The following FOSL2 variants were observed in gnomAD, a reference collection of about 807,000 sequenced individuals.
FOSL2 encodes fos-related antigen 2.
FOSL2 carries 3 observed loss-of-function variants against 27.7 expected under a neutral mutation model. The ratio of observed to expected loss-of-function variants is 0.11; its 90% CI spans 0.05 to 0.28. The LOEUF (loss-of-function observed/expected upper bound fraction) is 0.28, where lower values mean the gene tolerates loss of function less well. Among genes scored for constraint, FOSL2 ranks in the 10% least tolerant of loss-of-function variants. The pLI is 1.00. For synonymous variants in FOSL2, 179 were observed against 190.1 expected, an observed-to-expected ratio of 0.94 and a Z score of 0.48; for missense variants, 333 against 445.1, an observed-to-expected ratio of 0.75 and a Z score of 2.27.
Position 28,415,094 on chromosome 2 carries a change from T to A in FOSL2, c.*2646T>A, listed in dbSNP as rs1029830886. The A allele has an allele frequency of 6.6e-6, 1 of 152,270 alleles. No individual in the cohort carries two copies. Among genetic ancestry groups the A allele is most frequent in the Non-Finnish European group, 1.5e-5 (1 of 68,118 alleles). 9.4% of individuals were successfully genotyped at this position (152,270 alleles called of 1,614,324 possible). The stretch of plus-strand genomic sequence containing the variant: ...GGCTCCAGCTATGGGAACAGCTGCA[T>A]TGGGGCTGCCTTTCTGTTTGGCTTA... On this transcript the variant is annotated 3_prime_UTR_variant, in exon 4 of 4. Transcript: ENST00000264716.
In FOSL2 at chr2:28,413,189, A is replaced by G. The variant is rs891525426; in HGVS notation, c.*741A>G. The G allele has an allele frequency of 6.9e-5, 19 of 277,054 alleles. No individual in the cohort carries two copies. The highest frequency in any genetic ancestry group is 1.9e-3 in the Middle Eastern group (2 of 1,034). 17.2% of individuals were successfully genotyped at this position (277,054 alleles called of 1,614,324 possible). ...CGGCTTCTGGAGGAACGGCTTGGCC[A>G]GAAGACAGGGTGTGAGTGAGACAGT... On this transcript the variant is annotated 3_prime_UTR_variant, in exon 4 of 4. Transcript: ENST00000264716.
chr2:28,403,027 T>TG (rs1664006842), intron 1 of FOSL2, among the ~76,000 whole-genome samples: 1 of 152,138 alleles, frequency 6.6e-6, no homozygotes, highest in African/African-American at 2.4e-5. Context: ...AGTTTTTAAG[T>TG]GGGGAAGAAA....
rs1035991183 is a variant in FOSL2 at position 28,392,923 on chromosome 2, C to T, written c.-798C>T. 1.4e-5 allele frequency: 10 copies of T among 711,438 alleles called. No homozygotes were observed. Among genetic ancestry groups the T allele is most frequent in the South Asian group, 8.9e-5 (6 of 67,252 alleles). The allele number at this position is 711,438 out of a possible 1,614,324, so 44.1% of individuals were successfully genotyped here. A position where few individuals can be genotyped will look rare whatever the true frequency, so the allele number is the denominator to read the frequency against. Reference sequence around the variant, plus strand: ...AACCAGCGAGCGAGCGAACGAGCGGCGCTCGGCGGGGACAGAAAGAGGGAG... The same window carrying T: ...AACCAGCGAGCGAGCGAACGAGCGGTGCTCGGCGGGGACAGAAAGAGGGAG... On this transcript the variant is annotated 5_prime_UTR_variant, in exon 1 of 4. Coordinates refer to ENST00000264716, the MANE Select transcript of FOSL2 (RefSeq NM_005253.4).
At position 28,393,411 on chromosome 2, in the gene FOSL2, G is replaced by C. The variant is rs1325319401; in HGVS notation, c.-310G>C. 3 of 340,730 alleles carry C rather than the reference G, an allele frequency of 8.8e-6. No individual in the cohort carries two copies. The highest frequency in any genetic ancestry group is 2.2e-5 in the African/African-American group (1 of 45,546). 21.1% of individuals were successfully genotyped at this position (340,730 alleles called of 1,614,324 possible). On this transcript the variant is annotated 5_prime_UTR_variant, in exon 1 of 4. Transcript: ENST00000264716. The surrounding 1 kb of genome is among the most constrained non-coding windows in gnomAD (Gnocchi z 4.6). Reference sequence around the variant, plus strand: ...GAGCTCCGGCTGCGCGCGGGGGCGGGAGGGCGCGCGCAGGGGAGGGACCGA... The same window carrying C: ...GAGCTCCGGCTGCGCGCGGGGGCGGCAGGGCGCGCGCAGGGGAGGGACCGA...
intron 3 of FOSL2, among the ~76,000 whole-genome samples, chr2:28,409,268 T>C (rs1558569393): frequency 1.3e-5 from 2 of 152,104 alleles, no homozygotes; most frequent in African/African-American, 4.8e-5. Flanking sequence ...GCCACTCCCA[T>C]GCCTGCCGCC....
chr2:28,416,276 A>G lies in FOSL2; in HGVS notation c.*3828A>G, dbSNP rs987066463. ...TCAACCAAGGGGTTTAATTTATCCA[A>G]TGCTTGACGACATGTTCAGGAGGGG... On this transcript the variant is annotated 3_prime_UTR_variant, in exon 4 of 4. Coordinates refer to ENST00000264716, the MANE Select transcript of FOSL2 (RefSeq NM_005253.4). The G allele has an allele frequency of 1.3e-5, 2 of 152,112 alleles. No homozygotes were observed. Among genetic ancestry groups the G allele is most frequent in the South Asian group, 2.1e-4 (1 of 4,832 alleles). 9.4% of individuals were successfully genotyped at this position (152,112 alleles called of 1,614,324 possible). A position where few individuals can be genotyped will look rare whatever the true frequency, so the allele number is the denominator to read the frequency against.
chr2:28,404,503 C>T lies in FOSL2; in HGVS notation c.354+145C>T, dbSNP rs958035933. The T allele has an allele frequency of 2.9e-6, 3 of 1,038,840 alleles. 1 individual carries two copies. The South Asian group carries it at 4.8e-5, about 17-fold the overall frequency. 64.4% of individuals were successfully genotyped at this position (1,038,840 alleles called of 1,614,324 possible). ...TAGGGGTCGAAGAGCACGTCATCCCCCTTACTGGAGGCCGAGCTGGAGAGC... is the reference window on the plus strand; with the variant it reads ...TAGGGGTCGAAGAGCACGTCATCCCTCTTACTGGAGGCCGAGCTGGAGAGC... On this transcript the variant is annotated intron_variant, in intron 2 of 3. Transcript: ENST00000264716. The surrounding 1 kb of genome is among the most constrained non-coding windows in gnomAD (Gnocchi z 4.7).
intron 1 of FOSL2, among the ~76,000 whole-genome samples, chr2:28,395,324 C>T (rs1001368540): frequency 2.0e-5 from 3 of 152,248 alleles, no homozygotes; most frequent in African/African-American, 7.2e-5. Flanking sequence ...CTGTCTCCTC[C>T]TCCCTGAAAT....
chr2:28,405,301 TG>T (rs1465770970), intron 2 of FOSL2, among the ~76,000 whole-genome samples: 2 of 152,112 alleles, frequency 1.3e-5, no homozygotes, highest in Non-Finnish European at 1.5e-5. Context: ...GGCCAGTGAG[TG>T]GGGAAGTCTG....
At chr2:28,405,192 T>A (rs2148089296) in intron 2 of FOSL2, among the ~76,000 whole-genome samples, 1 of 152,236 alleles carries the variant, frequency 6.6e-6, no homozygotes, top group South Asian at 2.1e-4. Flanking sequence ...GAATCATGCA[T>A]AATTCCAGAA....
In FOSL2 at chr2:28,414,984, GT is replaced by G. The variant is rs1265573613; in HGVS notation, c.*2540del. On this transcript the variant is annotated 3_prime_UTR_variant, in exon 4 of 4. Transcript: ENST00000264716. Reference sequence around the variant, plus strand: ...CACCTAAGTCGTGAGCATATCCTGAGTTTTACTTCCTTATGGCTTGCCCTCC... The same window carrying G: ...CACCTAAGTCGTGAGCATATCCTGAGTTTACTTCCTTATGGCTTGCCCTCC... 1 of 152,230 alleles carries G rather than the reference GT, an allele frequency of 6.6e-6. No individual in the cohort carries two copies. The highest frequency in any genetic ancestry group is 1.5e-5 in the Non-Finnish European group (1 of 68,058). The allele number at this position is 152,230 out of a possible 1,614,324, so 9.4% of individuals were successfully genotyped here. A position where few individuals can be genotyped will look rare whatever the true frequency, so the allele number is the denominator to read the frequency against.
At position 28,393,802 on chromosome 2, in the gene FOSL2, AGCG is replaced by A. The variant is rs746617142; in HGVS notation, c.94_96del (p.Gly32del). The A allele has an allele frequency of 1.3e-5, 21 of 1,600,240 alleles. No individual in the cohort carries two copies. Among genetic ancestry groups the A allele is most frequent in the African/African-American group, 1.1e-4 (8 of 74,476 alleles). On this transcript the variant is annotated inframe_deletion, in exon 1 of 4. Transcript: ENST00000264716. The surrounding 1 kb of genome is among the most constrained non-coding windows in gnomAD (Gnocchi z 4.6). ...TCCTGCGCACGCCGAGTCCTACTCC[AGCG>A]GCGGCGGCGGCCAGCAGGTAGGTGC... is the stretch of plus-strand genomic sequence containing the variant.
intron 1 of FOSL2, among the ~76,000 whole-genome samples, chr2:28,402,882 T>G (rs900872149): frequency 5.9e-5 from 9 of 152,212 alleles, no homozygotes; most frequent in African/African-American, 2.2e-4. Flanking sequence ...AAGCCTAAAT[T>G]TCTGTCCCTA....
intron 1 of FOSL2, among the ~76,000 whole-genome samples, chr2:28,401,970 T>C (rs1290114764): frequency 6.6e-6 from 1 of 151,912 alleles, no homozygotes; most frequent in African/African-American, 2.4e-5. Flanking sequence ...CGGATAACTT[T>C]TCTCCAGAAT....
chr2:28,399,916 C>T (rs948665374), intron 1 of FOSL2, among the ~76,000 whole-genome samples: 1 of 152,132 alleles, frequency 6.6e-6, no homozygotes, highest in African/African-American at 2.4e-5. Flanking sequence ...ACCGTATAGC[C>T]CACCAAGCCT....
chr2:28,393,529 G>C lies in FOSL2; in HGVS notation c.-192G>C, dbSNP rs533741846. 3.6e-6 allele frequency: 2 copies of C among 553,546 alleles called. No homozygotes were observed. The highest frequency in any genetic ancestry group is 4.8e-4 in the Middle Eastern group (1 of 2,072). 34.3% of individuals were successfully genotyped at this position (553,546 alleles called of 1,614,324 possible). ...GAAAGAAGTGCTGTAAGGGACGCTC[G>C]GGGGACGCTGTTCCTGAGGTGTCGC... On this transcript the variant is annotated 5_prime_UTR_variant, in exon 1 of 4. Transcript: ENST00000264716. This position sits in a 1 kb window ranked among gnomAD's most constrained non-coding sequence, Gnocchi z 4.6.
chr2:28,410,551 C>T (rs1385258712), intron 3 of FOSL2: 25 of 985,082 alleles, frequency 2.5e-5, no homozygotes, highest in Non-Finnish European at 2.9e-5. Context: ...AATATGCTGT[C>T]CTCTGCTGAA....
intron 1 of FOSL2, among the ~76,000 whole-genome samples, chr2:28,397,298 T>C (rs1021057898): frequency 6.6e-6 from 1 of 152,224 alleles, no homozygotes; most frequent in African/African-American, 2.4e-5. Context: ...TCACAGTTTG[T>C]TCAAATTCCC....
intron 1 of FOSL2, among the ~76,000 whole-genome samples, chr2:28,394,947 T>C (rs186050140): frequency 1.8e-4 from 28 of 152,164 alleles, no homozygotes; most frequent in African/African-American, 6.7e-4. Context: ...CAGGGAGGGG[T>C]GGACTCAGCT....
Sources: allele counts gnomAD v4.1 joint callset (sites outside exome capture counted in the v4.1 genomes callset), GRCh38; gene constraint gnomAD v4.1.1; non-coding constraint Gnocchi (gnomAD v3.1); transcripts MANE v1.5; gene names NCBI Gene and HGNC (gene_info 2026-07-23, HGNC 2026-07-21).